Variants in PSAT1 observed in about 807,000 individuals in gnomAD.
PSAT1 encodes phosphoserine aminotransferase.
A neutral mutation model predicts 40.3 loss-of-function variants in PSAT1; 41 were observed. The ratio of observed to expected loss-of-function variants is 1.02; its 90% CI spans 0.79 to 1.32. PSAT1 has a LOEUF of 1.32. PSAT1 is among the 40% of genes most tolerant of loss of function. PSAT1 has a pLI of 0.00. For synonymous variants in PSAT1, 147 were observed against 170.5 expected, an observed-to-expected ratio of 0.86 and a Z score of 1.07; for missense variants, 406 against 455.8, an observed-to-expected ratio of 0.89 and a Z score of 0.99.
chr9:78,307,168 G>T (rs182462212), intron 5 of PSAT1, among the ~76,000 whole-genome samples: 1 of 152,298 alleles, frequency 6.6e-6, no homozygotes, highest in Non-Finnish European at 1.5e-5. Flanking sequence ...CTTCTCAGAT[G>T]AAATCTGTAC....
At position 78,304,834 on chromosome 9, in the gene PSAT1, G is replaced by A. The variant is rs113759812; in HGVS notation, c.291G>A (p.Arg97=). The A allele has an allele frequency of 3.3e-5, 53 of 1,614,184 alleles. No individual in the cohort carries two copies. Among genetic ancestry groups the A allele is most frequent in the African/African-American group, 3.1e-4 (23 of 75,040 alleles). ...PLNLIGLKAG[R]CADYVVTGAW... is the part of the protein sequence containing the mutation. ...ACCTCATTGGCTTGAAAGCAGGAAG[G>A]TGTGCTGACTATGTGGTGACAGGAG... The change falls in exon 4 of 9, where the codon AGG becomes AGA. Residue 97 remains arginine, a synonymous_variant. Coordinates refer to ENST00000376588, the MANE Select transcript of PSAT1 (RefSeq NM_058179.4).
At chr9:78,304,442 G>A (rs538666269) in intron 3 of PSAT1, among the ~76,000 whole-genome samples, 1 of 152,328 alleles carries the variant, frequency 6.6e-6, no homozygotes, top group South Asian at 2.1e-4. Flanking sequence ...TGTCGACTGA[G>A]AGTGGCAGAG....
intron 6 of PSAT1, among the ~76,000 whole-genome samples, chr9:78,314,301 AT>A: frequency 9.0e-6 from 1 of 111,726 alleles, no homozygotes; most frequent in Non-Finnish European, 1.9e-5. Flanking sequence ...AGGACCTCCT[AT>A]CCTGTGTTAA....
rs553854445 is a variant in PSAT1 at position 78,329,582 on chromosome 9, A to G, written c.*496A>G. On this transcript the variant is annotated 3_prime_UTR_variant, in exon 9 of 9. Transcript: ENST00000376588. ...GTGCCAGGCGAAGGGCAAACTGTAG[A>G]TCGATCTTTATGCTGTTATTACAGG... 97 of 174,588 alleles carry G rather than the reference A, an allele frequency of 5.6e-4. No individual in the cohort carries two copies. The highest frequency in any genetic ancestry group is 8.4e-4 in the Non-Finnish European group (68 of 81,114). 10.8% of individuals were successfully genotyped at this position (174,588 alleles called of 1,614,324 possible). A position where few individuals can be genotyped will look rare whatever the true frequency, so the allele number is the denominator to read the frequency against.
intron 6 of PSAT1, among the ~76,000 whole-genome samples, chr9:78,311,673 A>T (rs140054107): frequency 4.6e-5 from 7 of 152,140 alleles, no homozygotes; most frequent in Non-Finnish European, 1.0e-4. Context: ...CTCTACTAAA[A>T]ATACAAGAAT....
chr9:78,327,504 C>G (rs886122432), intron 7 of PSAT1, among the ~76,000 whole-genome samples: 1 of 152,114 alleles, frequency 6.6e-6, no homozygotes, highest in Admixed American at 6.6e-5. Context: ...GTAGGTTCCT[C>G]TATTATTCCC....
rs1828545325 is a variant in PSAT1, at chr9:78,329,171, A to T, written c.*85A>T. The T allele has an allele frequency of 1.0e-6, 1 of 966,284 alleles. No individual in the cohort carries two copies. The highest frequency in any genetic ancestry group is 1.7e-6 in the Non-Finnish European group (1 of 598,748). The allele number at this position is 966,284 out of a possible 1,614,324, so 59.9% of individuals were successfully genotyped here. A position where few individuals can be genotyped will look rare whatever the true frequency, so the allele number is the denominator to read the frequency against. ...GGGGATGGCTACAAAAAGTTAACACAGTATTTTTCTCAAATGAACATGTTT... is the reference window on the plus strand; with the variant it reads ...GGGGATGGCTACAAAAAGTTAACACTGTATTTTTCTCAAATGAACATGTTT... On this transcript the variant is annotated 3_prime_UTR_variant, in exon 9 of 9. Coordinates refer to ENST00000376588, the MANE Select transcript of PSAT1 (RefSeq NM_058179.4).
chr9:78,320,360 C>T, intron 7 of PSAT1, among the ~76,000 whole-genome samples: 1 of 147,984 alleles, frequency 6.8e-6, no homozygotes. Context: ...ATCCATCCAT[C>T]TGCCCACCCA....
In PSAT1 at chr9:78,317,801, A is replaced by C. The variant is rs1828370991; in HGVS notation, c.866A>C (p.Tyr289Ser). Residue 289 changes from tyrosine to serine, a missense_variant, in exon 7 of 9, where the codon TAC becomes TCC. Coordinates refer to ENST00000376588, the MANE Select transcript of PSAT1 (RefSeq NM_058179.4). ...ATTATTGATAATTCTCAAGGATTCT[A>C]CGTGTAAGTCAATGGATTTTATCTC... ...YEIIDNSQGFYVCPVEPQNRS... is the reference protein window; with the variant it reads ...YEIIDNSQGFSVCPVEPQNRS... 5 of 1,612,398 alleles carry C rather than the reference A, an allele frequency of 3.1e-6. No homozygotes were observed. Among genetic ancestry groups the C allele is most frequent in the African/African-American group, 1.3e-5 (1 of 74,888 alleles).
chr9:78,317,228 G>A (rs974056668), intron 6 of PSAT1, among the ~76,000 whole-genome samples: 1 of 151,740 alleles, frequency 6.6e-6, no homozygotes, highest in African/African-American at 2.4e-5. Context: ...GTTCACATGG[G>A]CCCTGCTTTT....
chr9:78,300,542 C>T, intron 1 of PSAT1, 60 bp from the exon 2 acceptor site: 2 of 1,556,710 alleles, frequency 1.3e-6, no homozygotes, highest in Non-Finnish European at 1.7e-6. Flanking sequence ...TTTGTATGTT[C>T]AGAGGGAAAG....
chr9:78,328,845 C>G (rs548530533), intron 8 of PSAT1, 136 bp from the exon 9 acceptor site: 1 of 721,316 alleles, frequency 1.4e-6, no homozygotes, highest in Non-Finnish European at 2.5e-6. Flanking sequence ...TGCCAGGTGT[C>G]GGGAGTTTTT....
At position 78,297,175 on chromosome 9, in the gene PSAT1, C is replaced by T. The variant is rs1828037225; in HGVS notation, c.-36C>T. 6.3e-7 allele frequency: 1 copy of T among 1,582,842 alleles called. No individual in the cohort carries two copies. On this transcript the variant is annotated 5_prime_UTR_variant, in exon 1 of 9. Transcript: ENST00000376588. ...AACGCCAGCCGTTCACGCGTTCGGT[C>T]CTCCTTGGCTGACTCACCGCCCTGG... is the stretch of plus-strand genomic sequence containing the variant.
intron 6 of PSAT1, among the ~76,000 whole-genome samples, chr9:78,308,986 AC>A: frequency 6.6e-6 from 1 of 152,250 alleles, no homozygotes; most frequent in South Asian, 2.1e-4. Context: ...AAACAAACAA[AC>A]AAATAATAAG....
chr9:78,312,473 A>AGT (rs201971791), intron 6 of PSAT1, among the ~76,000 whole-genome samples: 2,284 of 152,216 alleles, frequency 0.015, 59 homozygotes, highest in African/African-American at 0.051. Flanking sequence ...AGGCAGGTGG[A>AGT]TCACCTGAGG....
At chr9:78,317,293 C>T (rs1828359387) in intron 6 of PSAT1, among the ~76,000 whole-genome samples, 1 of 152,098 alleles carries the variant, frequency 6.6e-6, no homozygotes, top group Admixed American at 6.6e-5. Flanking sequence ...CGCTCTGTCA[C>T]CCAGGCTAGA....
At chr9:78,319,236 A>G (rs1376405276) in intron 7 of PSAT1, among the ~76,000 whole-genome samples, 1 of 152,118 alleles carries the variant, frequency 6.6e-6, no homozygotes, top group Non-Finnish European at 1.5e-5. Context: ...CATCTCCATA[A>G]CCACCCATGG....
chr9:78,306,384 G>A lies in PSAT1; in HGVS notation c.468G>A (p.Thr156=), dbSNP rs200962308. ...ACGTGTATTATTGCGCAAATGAGAC[G>A]GTGCATGGTGTGGAGTTTGACTTTA... The part of the protein sequence containing the change: ...ASYVYYCANE[T]VHGVEFDFIP... Residue 156 remains threonine, a synonymous_variant, in exon 5 of 9, where the codon ACG becomes ACA. Coordinates refer to ENST00000376588, the MANE Select transcript of PSAT1 (RefSeq NM_058179.4). 198 of 1,613,552 alleles carry A rather than the reference G, an allele frequency of 1.2e-4. No individual in the cohort carries two copies. The Middle Eastern group carries it at 1.6e-3, about 13-fold the overall frequency.
At chr9:78,322,269 A>G (rs1008905963) in intron 7 of PSAT1, among the ~76,000 whole-genome samples, 2 of 152,136 alleles carry the variant, frequency 1.3e-5, no homozygotes, top group African/African-American at 4.8e-5. Flanking sequence ...TGATGGGTCT[A>G]GCGAAGACCC....
Sources: gnomAD v4.1 joint callset for allele counts (sites outside exome capture counted in the v4.1 genomes callset) on GRCh38, gnomAD v4.1.1 for gene constraint, MANE v1.5 for transcripts, NCBI Gene and HGNC (gene_info 2026-07-23, HGNC 2026-07-21) for gene names.